NKAIN3: variants seen among roughly 807,000 people sequenced by gnomAD.
The protein encoded by NKAIN3 is sodium/potassium-transporting ATPase subunit beta-1-interacting protein 3.
A neutral mutation model predicts 30.2 loss-of-function variants in NKAIN3; 25 were observed. The ratio of observed to expected loss-of-function variants is 0.83; its 90% CI spans 0.60 to 1.16. NKAIN3 has a LOEUF of 1.16. NKAIN3 is among the 50% of genes most tolerant of loss of function. The pLI is 0.00. For synonymous variants in NKAIN3, 91 were observed against 89.6 expected (o/e 1.02, Z -0.09); for missense variants, 225 against 254.1 (o/e 0.89, Z 0.78).
At chr8:62,465,756 C>T (rs866789597) in intron 1 of NKAIN3, among the ~76,000 whole-genome samples, 2 of 152,282 alleles carry the variant, frequency 1.3e-5, no homozygotes, top group Middle Eastern at 6.8e-3. Context: ...GGCACGGTAG[C>T]TCACGCCTAT....
chr8:62,373,474 A>T (rs1434726129), intron 1 of NKAIN3, among the ~76,000 whole-genome samples: 1 of 152,142 alleles, frequency 6.6e-6, no homozygotes, highest in African/African-American at 2.4e-5. Flanking sequence ...GAGAGGAGAG[A>T]TTATACTGAT....
At chr8:62,707,048 T>TACACAC (rs1180494168) in intron 3 of NKAIN3, among the ~76,000 whole-genome samples, 1 of 111,940 alleles carries the variant, frequency 8.9e-6, no homozygotes, top group African/African-American at 3.8e-5. Flanking sequence ...TATTCCATCA[T>TACACAC]ACATACATAC....
chr8:62,525,740 C>T (rs79605296), intron 1 of NKAIN3, among the ~76,000 whole-genome samples: 4,634 of 152,152 alleles, frequency 0.03, 237 homozygotes, highest in African/African-American at 0.11. Flanking sequence ...AAAACAACCC[C>T]CAACTTCGTT....
chr8:62,809,604 T>C (rs1357666166), intron 4 of NKAIN3, among the ~76,000 whole-genome samples: 1 of 152,138 alleles, frequency 6.6e-6, no homozygotes, highest in African/African-American at 2.4e-5. Flanking sequence ...ATTGTATAGG[T>C]TCTTAAGTGG....
intron 4 of NKAIN3, among the ~76,000 whole-genome samples, chr8:62,894,433 G>C (rs4478566): frequency 1.3e-5 from 2 of 152,002 alleles, no homozygotes; most frequent in Non-Finnish European, 2.9e-5. Context: ...GGTTTCACTT[G>C]TTCGGTCTTT....
intron 5 of NKAIN3, among the ~76,000 whole-genome samples, chr8:62,951,000 T>C (rs1204332239): frequency 6.7e-6 from 1 of 150,278 alleles, no homozygotes; most frequent in East Asian, 2.0e-4. Flanking sequence ...TGGTTAAATC[T>C]GTAAGAAAAC....
intron 1 of NKAIN3, among the ~76,000 whole-genome samples, chr8:62,366,284 T>C (rs1243459524): frequency 6.6e-6 from 1 of 151,440 alleles, no homozygotes; most frequent in Non-Finnish European, 1.5e-5. Flanking sequence ...TGGAGTGCAG[T>C]GGTGTGATTT....
At chr8:62,962,737 A>G (rs1193078422) in intron 6 of NKAIN3, among the ~76,000 whole-genome samples, 1 of 152,204 alleles carries the variant, frequency 6.6e-6, no homozygotes, top group Non-Finnish European at 1.5e-5. Flanking sequence ...ATGAAAGGAT[A>G]TAATAGTTGA....
chr8:62,338,520 T>C (rs1310863554), intron 1 of NKAIN3, among the ~76,000 whole-genome samples: 1 of 151,982 alleles, frequency 6.6e-6, no homozygotes, highest in Non-Finnish European at 1.5e-5. Context: ...AAACATGAGC[T>C]GAAATAGAAA....
intron 1 of NKAIN3, among the ~76,000 whole-genome samples, chr8:62,289,541 T>A (rs1436461391): frequency 1.3e-5 from 2 of 152,224 alleles, no homozygotes; most frequent in Non-Finnish European, 2.9e-5. Context: ...TTGTCAAAGA[T>A]CAAATGGGTG....
chr8:62,877,522 T>C (rs917887822), intron 4 of NKAIN3, among the ~76,000 whole-genome samples: 1 of 152,222 alleles, frequency 6.6e-6, no homozygotes, highest in Non-Finnish European at 1.5e-5. Flanking sequence ...AGATAATGAC[T>C]TGGAAACCTC....
intron 4 of NKAIN3, among the ~76,000 whole-genome samples, chr8:62,883,349 A>G (rs1223819218): frequency 1.3e-5 from 2 of 151,938 alleles, no homozygotes; most frequent in Admixed American, 1.3e-4. Flanking sequence ...TTTAATTGCA[A>G]ATGCCACTTA....
chr8:62,422,106 G>A (rs374627530), intron 1 of NKAIN3, among the ~76,000 whole-genome samples: 1 of 152,028 alleles, frequency 6.6e-6, no homozygotes, highest in Non-Finnish European at 1.5e-5. Context: ...ACTAAAATAT[G>A]TCAAGTTATT....
chr8:62,848,956 G>A (rs1819776024), intron 4 of NKAIN3, among the ~76,000 whole-genome samples: 1 of 152,118 alleles, frequency 6.6e-6, no homozygotes, highest in Admixed American at 6.6e-5. Context: ...TTTATGTGAT[G>A]AATTACATTT....
intron 1 of NKAIN3, among the ~76,000 whole-genome samples, chr8:62,328,196 G>A (rs1398439108): frequency 6.6e-6 from 1 of 152,082 alleles, no homozygotes; most frequent in Non-Finnish European, 1.5e-5. Context: ...AACAATGCCA[G>A]TGCACAAATC....
intron 1 of NKAIN3, among the ~76,000 whole-genome samples, chr8:62,563,130 C>G (rs117710494): frequency 0.02 from 2,969 of 152,232 alleles, 45 homozygotes; most frequent in Non-Finnish European, 0.03. Context: ...TGTTCTGTAA[C>G]AAATTGGCAA....
chr8:62,924,477 G>A (rs952851216), intron 5 of NKAIN3, among the ~76,000 whole-genome samples: 5 of 152,198 alleles, frequency 3.3e-5, no homozygotes, highest in Admixed American at 1.3e-4. Flanking sequence ...ATGAGTCAAT[G>A]TATGAACAAA....
chr8:62,395,381 C>T (rs1347642933), intron 1 of NKAIN3, among the ~76,000 whole-genome samples: 2 of 151,272 alleles, frequency 1.3e-5, no homozygotes, highest in Admixed American at 6.6e-5. Flanking sequence ...GGGGGTGGCC[C>T]GGCAGAAGCG....
At chr8:62,456,531 A>T (rs936585339) in intron 1 of NKAIN3, among the ~76,000 whole-genome samples, 37 of 152,142 alleles carry the variant, frequency 2.4e-4, no homozygotes, top group East Asian at 3.9e-4. Context: ...AAAAAAAAAA[A>T]AATAAAAATA....
Sources: gnomAD v4.1 joint callset for allele counts (sites outside exome capture counted in the v4.1 genomes callset) on GRCh38, gnomAD v4.1.1 for gene constraint, MANE v1.5 for transcripts, NCBI Gene and HGNC (gene_info 2026-07-23, HGNC 2026-07-21) for gene names.